The following CMYA5 variants were observed in gnomAD, a reference collection of about 807,000 sequenced individuals.
The protein encoded by CMYA5 is cardiomyopathy-associated protein 5.
Under a neutral mutation model 318.9 loss-of-function variants are expected in CMYA5, and 246 were observed. The observed-to-expected ratio is 0.77, with a 90% CI of 0.70 to 0.86. CMYA5 has a LOEUF of 0.86. CMYA5 is among the 40% of genes least tolerant of loss of function. The pLI, the probability that CMYA5 is intolerant of heterozygous loss-of-function variation, is 0.00. For synonymous variants in CMYA5, 1,641 were observed against 1,729.5 expected, an observed-to-expected ratio of 0.95 and a Z score of 1.27; for missense variants, 4,589 against 4,678.2, an observed-to-expected ratio of 0.98 and a Z score of 0.56.
Position 79,799,815 on chromosome 5 carries a change from T to C in CMYA5, c.*199T>C, listed in dbSNP as rs1341280194. Reference sequence around the variant, plus strand: ...CAGAGCAGTGTGTGAGTAAACAGAATGAAAACAACAACCTCCACTCTTTAG... The same window carrying C: ...CAGAGCAGTGTGTGAGTAAACAGAACGAAAACAACAACCTCCACTCTTTAG... On this transcript the variant is annotated 3_prime_UTR_variant, in exon 13 of 13. Transcript: ENST00000446378. 2.1e-6 allele frequency: 1 copy of C among 468,162 alleles called. No homozygotes were observed. 29.0% of individuals were successfully genotyped at this position (468,162 alleles called of 1,614,324 possible).
intron 9 of CMYA5, among the ~76,000 whole-genome samples, chr5:79,785,149 A>G (rs190938681): frequency 6.6e-6 from 1 of 151,728 alleles, no homozygotes; most frequent in African/African-American, 2.4e-5. Flanking sequence ...CCTGACCTTT[A>G]TAATCTGTCT....
rs543360423 is a variant in CMYA5, at chr5:79,735,463, C to T, written c.6698C>T (p.Pro2233Leu). 1 of 1,613,770 alleles carries T rather than the reference C, an allele frequency of 6.2e-7. No homozygotes were observed. Among genetic ancestry groups the T allele is most frequent in the African/African-American group, 1.3e-5 (1 of 74,978 alleles). The stretch of plus-strand genomic sequence containing the variant: ...ACCAATTTTAATGTAGCTGAGAAAC[C>T]AGCTGATCATTCATTATCAGAGGTA... ...IPTNFNVAEK[P>L]ADHSLSEVKL... The change falls in exon 2 of 13, where the codon CCA becomes CTA. Residue 2233 changes from proline (P) to leucine (L), a missense_variant. Transcript: ENST00000446378.
chr5:79,754,609 CA>C (rs1419777444), intron 6 of CMYA5, among the ~76,000 whole-genome samples: 1 of 151,982 alleles, frequency 6.6e-6, no homozygotes, highest in East Asian at 1.9e-4. Context: ...TCATGATAAA[CA>C]AACATGAATC....
Position 79,761,955 on chromosome 5 carries a change from C to G in CMYA5, c.11405C>G (p.Thr3802Arg), listed in dbSNP as rs1402808527. 3 of 1,612,282 alleles carry G rather than the reference C, an allele frequency of 1.9e-6. No individual in the cohort carries two copies. The highest frequency in any genetic ancestry group is 1.7e-6 in the Non-Finnish European group (2 of 1,179,264). ...CCCAGTGAAAGGGCCATCTTTAGGA[C>G]AGGTAAGGAGATGGATGCTAAGGGT... ...SLPSERAIFRTAPSTPVIRAE... is the reference protein window; with the variant it reads ...SLPSERAIFRRAPSTPVIRAE... Residue 3802 changes from threonine (T) to arginine (R), a missense_variant and splice_region_variant, in exon 8 of 13, where the codon ACA becomes AGA. Thr to Arg is a moderately conservative substitution (Grantham distance 71). Around this residue, in one of 3 missense-constraint regions of CMYA5, gnomAD observed 2,431 missense variants for 2,495.1 expected, o/e 0.97. Coordinates refer to ENST00000446378, the MANE Select transcript of CMYA5 (RefSeq NM_153610.5).
At position 79,738,126 on chromosome 5, in the gene CMYA5, G is replaced by C. The variant is rs1243855435; in HGVS notation, c.9361G>C (p.Gly3121Arg). 6 of 1,613,678 alleles carry C rather than the reference G, an allele frequency of 3.7e-6. No individual in the cohort carries two copies. In the East Asian group the frequency reaches 1.3e-4, roughly 36 times the overall value. The change falls in exon 2 of 13, where the codon GGC becomes CGC. Residue 3121 changes from glycine (G) to arginine (R), a missense_variant. Coordinates refer to ENST00000446378, the MANE Select transcript of CMYA5 (RefSeq NM_153610.5). ...LDESFYGPEK[G>R]HNILSHPETQ... ...TGAAAGTTTTTATGGACCAGAAAAG[G>C]GCCACAACATATTATCTCATCCAGA...
chr5:79,790,538 G>C (rs1829157961), intron 10 of CMYA5, among the ~76,000 whole-genome samples: 1 of 152,158 alleles, frequency 6.6e-6, no homozygotes, highest in Non-Finnish European at 1.5e-5. Flanking sequence ...CAAAGTGCTG[G>C]GATTACAGGC....
chr5:79,723,892 T>C (rs72635615), intron 1 of CMYA5, among the ~76,000 whole-genome samples: 12,416 of 152,170 alleles, frequency 0.082, 876 homozygotes, highest in East Asian at 0.4. Flanking sequence ...TATAAAAGTA[T>C]AATGTATCAC....
chr5:79,763,087 T>C lies in CMYA5; in HGVS notation c.11433T>C (p.Ala3811=). The change falls in exon 9 of 13, where the codon GCT becomes GCC. Residue 3811 remains alanine (A), a synonymous_variant. Coordinates refer to ENST00000446378, the MANE Select transcript of CMYA5 (RefSeq NM_153610.5). Reference sequence around the variant, plus strand: ...CACCCTCCACCCCTGTGATCCGCGCTGAGGACTGTACTGTGTGTTGGAACA... The same window carrying C: ...CACCCTCCACCCCTGTGATCCGCGCCGAGGACTGTACTGTGTGTTGGAACA... ...RTAPSTPVIR[A]EDCTVCWNTA... The C allele has an allele frequency of 6.2e-7, 1 of 1,613,884 alleles. No homozygotes were observed. The highest frequency in any genetic ancestry group is 8.5e-7 in the Non-Finnish European group (1 of 1,179,858).
chr5:79,752,841 T>G, intron 6 of CMYA5, 47 bp downstream of exon 6: 1 of 1,381,306 alleles, frequency 7.2e-7, no homozygotes, highest in Non-Finnish European at 1.0e-6. Context: ...ATGGCAGTTT[T>G]TGCTTGTTTG....
chr5:79,774,789 G>A (rs965978308), intron 9 of CMYA5, among the ~76,000 whole-genome samples: 1 of 152,238 alleles, frequency 6.6e-6, no homozygotes, highest in Admixed American at 6.5e-5. Flanking sequence ...TCATAGGTGG[G>A]TGTTTTCAGC....
chr5:79,731,602 C>T lies in CMYA5; in HGVS notation c.2837C>T (p.Ser946Phe). The T allele has an allele frequency of 6.2e-7, 1 of 1,613,320 alleles. No homozygotes were observed. Among genetic ancestry groups the T allele is most frequent in the Non-Finnish European group, 8.5e-7 (1 of 1,179,700 alleles). Residue 946 changes from serine to phenylalanine, a missense_variant, in exon 2 of 13, where the codon TCT becomes TTT. Ser to Phe is a radical substitution (Grantham distance 155). Coordinates refer to ENST00000446378, the MANE Select transcript of CMYA5 (RefSeq NM_153610.5). Reference sequence around the variant, plus strand: ...GATCAAGAAGACATTGGACCTTTTTCTCCAGATTCTGCATTTGTGTCAGAA... The same window carrying T: ...GATCAAGAAGACATTGGACCTTTTTTTCCAGATTCTGCATTTGTGTCAGAA... ...EEDQEDIGPF[S>F]PDSAFVSEFS...
chr5:79,694,992 G>A (rs1033796863), intron 1 of CMYA5, among the ~76,000 whole-genome samples: 11 of 152,158 alleles, frequency 7.2e-5, no homozygotes, highest in African/African-American at 2.7e-4. Flanking sequence ...TTGACTCAAC[G>A]AAGAGTTAAA....
chr5:79,752,619 C>A, intron 5 of CMYA5, 57 bp from the exon 6 acceptor site: 2 of 1,324,402 alleles, frequency 1.5e-6, no homozygotes, highest in Non-Finnish European at 2.1e-6. Context: ...ATTTTTTTCA[C>A]TTTCATTCTG....
rs148316701 is a variant in CMYA5 at position 79,768,097 on chromosome 5, T to C, written c.11555+4888T>C. ...TTGATCTTTGTTGGTTTAAAGTCTG[T>C]TTTATCAGAGACTAGGATTGCAACC... is the stretch of plus-strand genomic sequence containing the variant. On this transcript the variant is annotated intron_variant, in intron 9 of 12. Transcript: ENST00000446378. Among the ~76,000 whole-genome samples, 419 of 152,312 alleles carry C rather than the reference T, an allele frequency of 2.8e-3. 6 individuals are homozygous for C. The highest frequency in any genetic ancestry group is 9.6e-3 in the African/African-American group (397 of 41,568).
rs190546899 is a variant in CMYA5, at chr5:79,725,671, G to A, written c.150-3244G>A. Among the ~76,000 whole-genome samples, 39 of 152,358 alleles carry A rather than the reference G, an allele frequency of 2.6e-4. No individual in the cohort carries two copies. The East Asian group carries it at 6.0e-3, about 23-fold the overall frequency. On this transcript the variant is annotated intron_variant, in intron 1 of 12. Transcript: ENST00000446378. ...TAGTCCCAGCACTTTGGAAGGCCGA[G>A]GTGGGCAGATCACTTGAGGCCAGAA...
chr5:79,791,060 G>A lies in CMYA5; in HGVS notation c.11780G>A (p.Arg3927Gln), dbSNP rs1129770. 273,428 of 1,609,572 alleles carry A rather than the reference G, an allele frequency of 0.17. 24,476 individuals are homozygous for A. Among genetic ancestry groups the A allele is most frequent in the Middle Eastern group, 0.2 (1,235 of 6,044 alleles). ...GTVISFGERRRLTEIPSVLGE... is the reference protein window; with the variant it reads ...GTVISFGERRQLTEIPSVLGE... ...GTGATCAGCTTTGGTGAGAGGAGAC[G>A]GCTGACGGAGTAAGTAGAAGAAGAA... The change falls in exon 11 of 13, where the codon CGG becomes CAG. Residue 3927 changes from arginine to glutamine, a missense_variant. Arg to Gln is a conservative substitution (Grantham distance 43). Around this residue, in one of 3 missense-constraint regions of CMYA5, gnomAD observed 2,431 missense variants for 2,495.1 expected, o/e 0.97. Transcript: ENST00000446378.
chr5:79,716,199 C>A (rs1453502574), intron 1 of CMYA5, among the ~76,000 whole-genome samples: 1 of 152,178 alleles, frequency 6.6e-6, no homozygotes, highest in Non-Finnish European at 1.5e-5. Context: ...ACTCTCTTTT[C>A]TTTGATGAAG....
chr5:79,731,552 C>G lies in CMYA5; in HGVS notation c.2787C>G (p.Ser929=), dbSNP rs760521144. The change falls in exon 2 of 13, where the codon TCC becomes TCG. Residue 929 remains serine, a synonymous_variant. Transcript: ENST00000446378. ...GATCTCTAAATCTAAAAGGTGCATC[C>G]TCACCCATGAATTTATCAGAAGAAG... The part of the protein sequence containing the change: ...VHRSLNLKGA[S]SPMNLSEEDQ... 1.9e-6 allele frequency: 3 copies of G among 1,608,128 alleles called. No individual in the cohort carries two copies. The highest frequency in any genetic ancestry group is 2.2e-5 in the South Asian group (2 of 89,814).
At chr5:79,749,759 T>C (rs1228612397) in intron 5 of CMYA5, among the ~76,000 whole-genome samples, 1 of 152,152 alleles carries the variant, frequency 6.6e-6, no homozygotes, top group East Asian at 1.9e-4. Flanking sequence ...AACATAAAGA[T>C]ACAGTACTAA....
Sources: allele counts gnomAD v4.1 joint callset (sites outside exome capture counted in the v4.1 genomes callset), GRCh38; gene constraint gnomAD v4.1.1; regional missense constraint gnomAD v4.1.1; transcripts MANE v1.5; gene names NCBI Gene and HGNC (gene_info 2026-07-23, HGNC 2026-07-21).